Variants in ARL15 observed in about 807,000 individuals in gnomAD.
ARL15 encodes ADP-ribosylation factor-like protein 15.
A neutral mutation model predicts 25.2 loss-of-function variants in ARL15; 19 were observed. The observed-to-expected ratio is 0.75, with a 90% CI of 0.53 to 1.10. The LOEUF is 1.10. ARL15 is among the 50% of genes least tolerant of loss of function. The pLI is 0.00. For synonymous variants in ARL15, 94 were observed against 86.8 expected, an observed-to-expected ratio of 1.08 and a Z score of -0.46; for missense variants, 220 against 246.0, an observed-to-expected ratio of 0.89 and a Z score of 0.71.
intron 4 of ARL15, among the ~76,000 whole-genome samples, chr5:53,940,451 A>G (rs561231674): frequency 2.0e-3 from 299 of 152,348 alleles, no homozygotes; most frequent in Middle Eastern, 0.01. Context: ...AAGAGTAGTA[A>G]TCAAAGTTCC....
intron 3 of ARL15, among the ~76,000 whole-genome samples, chr5:54,119,935 AC>A (rs1285876176): frequency 5.9e-5 from 9 of 152,150 alleles, no homozygotes; most frequent in African/African-American, 2.2e-4. Flanking sequence ...TCTCCATGTA[AC>A]ACTTTCTACC....
intron 4 of ARL15, among the ~76,000 whole-genome samples, chr5:53,900,927 C>T (rs934577566): frequency 6.6e-6 from 1 of 152,200 alleles, no homozygotes; most frequent in Non-Finnish European, 1.5e-5. Flanking sequence ...TCTCAAGACC[C>T]ACATAGGACA....
intron 1 of ARL15, among the ~76,000 whole-genome samples, chr5:54,241,888 T>A (rs1756967377): frequency 6.6e-6 from 1 of 152,172 alleles, no homozygotes; most frequent in Non-Finnish European, 1.5e-5. Context: ...AGAGCAATAA[T>A]TTTGAATCTG....
intron 2 of ARL15, among the ~76,000 whole-genome samples, chr5:54,164,780 T>C (rs1314626689): frequency 6.6e-6 from 1 of 152,032 alleles, no homozygotes; most frequent in Non-Finnish European, 1.5e-5. Context: ...AAGTCAGTAT[T>C]TGGTTGGGTC....
intron 4 of ARL15, among the ~76,000 whole-genome samples, chr5:53,893,500 C>A (rs1203987269): frequency 6.6e-6 from 1 of 152,030 alleles, no homozygotes; most frequent in African/African-American, 2.4e-5. Context: ...CCCAGCTCCT[C>A]GGGAGGCTGA....
At chr5:54,237,738 A>T (rs1161663001) in intron 1 of ARL15, among the ~76,000 whole-genome samples, 1 of 152,228 alleles carries the variant, frequency 6.6e-6, no homozygotes, top group Non-Finnish European at 1.5e-5. Context: ...AATGCGGGTG[A>T]TCCTTTGTAG....
chr5:54,161,457 C>T (rs149433067), intron 2 of ARL15, among the ~76,000 whole-genome samples: 2 of 152,282 alleles, frequency 1.3e-5, no homozygotes, highest in Non-Finnish European at 2.9e-5. Context: ...TACAATCTTA[C>T]CAGCACTGAC....
chr5:53,984,902 T>C (rs1402808732), intron 4 of ARL15, among the ~76,000 whole-genome samples: 1 of 152,200 alleles, frequency 6.6e-6, no homozygotes, highest in Non-Finnish European at 1.5e-5. Flanking sequence ...CCACTTCCTT[T>C]GACCTTCAAT....
At chr5:54,289,014 A>T (rs1561296834) in intron 1 of ARL15, among the ~76,000 whole-genome samples, 1 of 152,210 alleles carries the variant, frequency 6.6e-6, no homozygotes, top group Non-Finnish European at 1.5e-5. Flanking sequence ...CAAGCAAAAG[A>T]ATTTTCCATA....
At chr5:54,034,354 A>G (rs1214686240) in intron 4 of ARL15, among the ~76,000 whole-genome samples, 2 of 152,164 alleles carry the variant, frequency 1.3e-5, no homozygotes, top group Non-Finnish European at 2.9e-5. Context: ...AATAATACCC[A>G]TACTATGGAC....
rs746792763 is a variant in ARL15, at chr5:54,310,447, C to T, written c.33G>A (p.Leu11=). The T allele has an allele frequency of 5.0e-6, 8 of 1,610,180 alleles. No homozygotes were observed. Among genetic ancestry groups the T allele is most frequent in the African/African-American group, 1.3e-5 (1 of 74,812 alleles). ...CTGCACCTACCAGATAATCCATGTA[C>T]AGAAACGCCTCAGTTATTCGGAGAT... The part of the protein sequence containing the change: MSDLRITEAF[L]YMDYLCFRAL... The change falls in exon 1 of 5, where the codon CTG becomes CTA. Residue 11 remains leucine (L), a synonymous_variant. Coordinates refer to ENST00000504924, the MANE Select transcript of ARL15 (RefSeq NM_019087.3).
chr5:54,120,023 T>C (rs1489910701), intron 3 of ARL15, among the ~76,000 whole-genome samples: 1 of 152,210 alleles, frequency 6.6e-6, no homozygotes, highest in African/African-American at 2.4e-5. Context: ...TTTGTGCATT[T>C]TCGTGTCTGA....
intron 3 of ARL15, among the ~76,000 whole-genome samples, chr5:54,135,708 T>C (rs1753582091): frequency 6.6e-6 from 1 of 152,256 alleles, no homozygotes; most frequent in Non-Finnish European, 1.5e-5. Context: ...AGTTTGGGAC[T>C]GTTCAGTTCA....
intron 4 of ARL15, among the ~76,000 whole-genome samples, chr5:53,907,686 C>T (rs1423505224): frequency 2.7e-5 from 4 of 150,332 alleles, no homozygotes; most frequent in East Asian, 1.9e-4. Context: ...TTAGTAGAGA[C>T]GGGGTTTCAC....
intron 4 of ARL15, among the ~76,000 whole-genome samples, chr5:53,915,012 T>C (rs1174298309): frequency 6.6e-6 from 1 of 152,212 alleles, no homozygotes; most frequent in Admixed American, 6.5e-5. Flanking sequence ...GGCTTCACCA[T>C]GTTGGCCAGG....
intron 4 of ARL15, among the ~76,000 whole-genome samples, chr5:54,109,646 A>C (rs1381463377): frequency 6.6e-6 from 1 of 151,998 alleles, no homozygotes; most frequent in African/African-American, 2.4e-5. Context: ...ATTAGTTACA[A>C]TTACAATTCA....
intron 4 of ARL15, among the ~76,000 whole-genome samples, chr5:53,942,289 G>A (rs1394420224): frequency 6.6e-6 from 1 of 152,004 alleles, no homozygotes; most frequent in Admixed American, 6.6e-5. Context: ...AGTTGTGTGG[G>A]GGCTTCAGGA....
chr5:54,081,773 C>G (rs964454741), intron 4 of ARL15, among the ~76,000 whole-genome samples: 1 of 151,956 alleles, frequency 6.6e-6, no homozygotes, highest in Non-Finnish European at 1.5e-5. Flanking sequence ...TATAAATTAC[C>G]CAGTCTTAGG....
At chr5:54,273,524 T>C (rs1224206051) in intron 1 of ARL15, among the ~76,000 whole-genome samples, 1 of 152,196 alleles carries the variant, frequency 6.6e-6, no homozygotes, top group Non-Finnish European at 1.5e-5. Context: ...TATTCCAGAT[T>C]AAATTCAATA....
Sources: allele counts gnomAD v4.1 joint callset (sites outside exome capture counted in the v4.1 genomes callset), GRCh38; gene constraint gnomAD v4.1.1; transcripts MANE v1.5; gene names NCBI Gene and HGNC (gene_info 2026-07-23, HGNC 2026-07-21).